Variants in INPP4B observed in about 807,000 individuals in gnomAD.
The protein encoded by INPP4B is inositol polyphosphate 4-phosphatase type II.
A neutral mutation model predicts 122.5 loss-of-function variants in INPP4B; 55 were observed. The ratio of observed to expected loss-of-function variants is 0.45; its 90% CI spans 0.36 to 0.56. The LOEUF is 0.56. Ranked by LOEUF, INPP4B falls within the 20% of genes least tolerant of loss-of-function variation. INPP4B has a pLI of 0.00. For synonymous variants in INPP4B, 403 were observed against 388.7 expected, an observed-to-expected ratio of 1.04 and a Z score of -0.43; for missense variants, 1,000 against 1,097.7, an observed-to-expected ratio of 0.91 and a Z score of 1.26.
At chr4:142,147,219 G>T (rs776305924) in intron 17 of INPP4B, among the ~76,000 whole-genome samples, 1 of 152,110 alleles carries the variant, frequency 6.6e-6, no homozygotes, top group African/African-American at 2.4e-5. Flanking sequence ...CTAAATTAGA[G>T]TATTTCCTTA....
rs1007808665 is a variant in INPP4B at position 142,619,414 on chromosome 4, A to G, written c.-191+106425T>C. 2.0e-5 allele frequency among the ~76,000 whole-genome samples: 3 copies of G among 152,124 alleles called. 1 individual carries two copies. The highest frequency in any genetic ancestry group is 7.2e-5 in the African/African-American group (3 of 41,460). On this transcript the variant is annotated intron_variant, in intron 2 of 25. Coordinates refer to ENST00000262992, the MANE Select transcript of INPP4B (RefSeq NM_001101669.3). ...TGGAATATGATTCAGCCTTTAAAATAAAAGGCAATCCTGCCATAGGCAACA... is the reference window on the plus strand; with the variant it reads ...TGGAATATGATTCAGCCTTTAAAATGAAAGGCAATCCTGCCATAGGCAACA...
intron 14 of INPP4B, among the ~76,000 whole-genome samples, chr4:142,200,182 C>CT (rs527547228): frequency 2.2e-4 from 33 of 151,978 alleles, no homozygotes; most frequent in African/African-American, 8.0e-4. Context: ...TCAGTAATAT[C>CT]TTTTTGCTGT....
chr4:142,710,796 T>C (rs1169820908), intron 2 of INPP4B, among the ~76,000 whole-genome samples: 2 of 152,232 alleles, frequency 1.3e-5, no homozygotes, highest in Non-Finnish European at 2.9e-5. Flanking sequence ...TCAGATATAA[T>C]ACATTCATAG....
chr4:142,115,903 T>C (rs896986811), intron 21 of INPP4B, among the ~76,000 whole-genome samples: 8 of 152,104 alleles, frequency 5.3e-5, no homozygotes, highest in African/African-American at 1.9e-4. Flanking sequence ...CAGTGTGCTG[T>C]ATTCAGGAGA....
At chr4:142,060,941 A>C (rs1440763608) in intron 25 of INPP4B, among the ~76,000 whole-genome samples, 1 of 152,208 alleles carries the variant, frequency 6.6e-6, no homozygotes, top group East Asian at 1.9e-4. Context: ...ATTACTTATA[A>C]AGAGTATTAA....
intron 2 of INPP4B, among the ~76,000 whole-genome samples, chr4:142,554,363 A>AGT (rs1369132335): frequency 1.6e-4 from 5 of 31,286 alleles, no homozygotes; most frequent in African/African-American, 3.4e-4. Flanking sequence ...CACTTGCAAT[A>AGT]GTAAAAAAAA....
At chr4:142,629,160 A>G (rs909242127) in intron 2 of INPP4B, among the ~76,000 whole-genome samples, 3 of 151,814 alleles carry the variant, frequency 2.0e-5, no homozygotes, top group Non-Finnish European at 4.4e-5. Flanking sequence ...GTCTGCTGGA[A>G]AAGTGAGGAG....
chr4:142,112,779 G>C (rs116414801), intron 21 of INPP4B, 97 bp from the exon 22 acceptor site: 1 of 1,174,836 alleles, frequency 8.5e-7, no homozygotes, highest in African/African-American at 1.6e-5. Context: ...TTGGAATATA[G>C]CACTGATTTA....
chr4:142,274,070 GA>G (rs574290863), intron 9 of INPP4B, among the ~76,000 whole-genome samples: 3 of 151,418 alleles, frequency 2.0e-5, no homozygotes, highest in East Asian at 1.9e-4. Context: ...AAAGATTTAG[GA>G]AAAAAAATTC....
chr4:142,199,089 A>T (rs1371560593), intron 14 of INPP4B, among the ~76,000 whole-genome samples: 1 of 152,064 alleles, frequency 6.6e-6, no homozygotes, highest in Non-Finnish European at 1.5e-5. Context: ...TTGATAGTTA[A>T]TTTACTTTCT....
chr4:142,619,565 A>G (rs1744440628), intron 2 of INPP4B, among the ~76,000 whole-genome samples: 1 of 152,070 alleles, frequency 6.6e-6, no homozygotes, highest in Non-Finnish European at 1.5e-5. Context: ...AGGTTCAAAC[A>G]CACAGAACCA....
At chr4:142,632,552 CAATAA>C (rs1748200650) in intron 2 of INPP4B, among the ~76,000 whole-genome samples, 1 of 151,238 alleles carries the variant, frequency 6.6e-6, no homozygotes, top group South Asian at 2.1e-4. Context: ...CTATAGTTTA[CAATAA>C]AATAAAGAGC....
intron 2 of INPP4B, among the ~76,000 whole-genome samples, chr4:142,626,198 C>A (rs908525861): frequency 6.6e-6 from 1 of 152,072 alleles, no homozygotes. Flanking sequence ...GAACAGGCAA[C>A]CTACAAAATT....
rs571259969 is a variant in INPP4B at position 142,835,942 on chromosome 4, G to A, written c.-254+10267C>T. Among the ~76,000 whole-genome samples the A allele has an allele frequency of 3.9e-5, 6 of 152,246 alleles. No homozygotes were observed. In the South Asian group the frequency reaches 8.3e-4, roughly 21 times the overall value. On this transcript the variant is annotated intron_variant, in intron 1 of 25. Coordinates refer to ENST00000262992, the MANE Select transcript of INPP4B (RefSeq NM_001101669.3). ...TGAACATGAATGATTGAAGCTAACG[G>A]GGTGCTATGGGGCATAGGGTATGGT... is the stretch of plus-strand genomic sequence containing the variant.
chr4:142,726,145 C>T (rs1765323347), intron 1 of INPP4B, among the ~76,000 whole-genome samples: 1 of 150,922 alleles, frequency 6.6e-6, no homozygotes, highest in Non-Finnish European at 1.5e-5. Context: ...GCCCTGTTTT[C>T]TTTGCTTCTC....
intron 1 of INPP4B, among the ~76,000 whole-genome samples, chr4:142,729,900 C>T (rs1443552331): frequency 2.0e-4 from 30 of 152,184 alleles, no homozygotes; most frequent in Admixed American, 1.8e-3. Context: ...AGAATCTTTA[C>T]TTTGCTGTAC....
At chr4:142,713,188 G>A (rs1379662988) in intron 2 of INPP4B, among the ~76,000 whole-genome samples, 1 of 152,208 alleles carries the variant, frequency 6.6e-6, no homozygotes, top group African/African-American at 2.4e-5. Flanking sequence ...TGGGTTAACA[G>A]GGTAGATGAT....
At chr4:142,559,992 T>A (rs1165182985) in intron 2 of INPP4B, among the ~76,000 whole-genome samples, 1 of 152,178 alleles carries the variant, frequency 6.6e-6, no homozygotes. Flanking sequence ...GGCATCTAAG[T>A]GGTATATGAG....
chr4:142,338,073 T>A (rs1233915255), intron 7 of INPP4B, among the ~76,000 whole-genome samples: 1 of 152,176 alleles, frequency 6.6e-6, no homozygotes, highest in Admixed American at 6.5e-5. Flanking sequence ...ATTGCCTGTA[T>A]TGCTTTGCAA....
Sources: allele counts gnomAD v4.1 joint callset (sites outside exome capture counted in the v4.1 genomes callset), GRCh38; gene constraint gnomAD v4.1.1; transcripts MANE v1.5; gene names NCBI Gene and HGNC (gene_info 2026-07-23, HGNC 2026-07-21).